CENPP: variants seen among roughly 807,000 people sequenced by gnomAD.
CENPP encodes centromere protein P.
Under a neutral mutation model 35.6 loss-of-function variants are expected in CENPP, and 24 were observed. The ratio of observed to expected loss-of-function variants is 0.67; its 90% CI spans 0.49 to 0.95. The LOEUF is 0.95. Ranked by LOEUF, CENPP falls within the 40% of genes least tolerant of loss-of-function variation. The pLI is 0.00. For synonymous variants in CENPP, 120 were observed against 125.5 expected (o/e 0.96, Z 0.29); for missense variants, 332 against 345.3 (o/e 0.96, Z 0.31).
rs561628337 is a variant in CENPP, at chr9:92,581,303, G to GT, written c.565-30004dup. Among the ~76,000 whole-genome samples the GT allele has an allele frequency of 3.6e-3, 554 of 152,074 alleles. 4 individuals carry two copies. Among genetic ancestry groups the GT allele is most frequent in the African/African-American group, 0.012 (516 of 41,504 alleles). ...TCTGTTAAGCCATATTACATTTTGT[G>GT]TTTTTTTCTGCATTCTATAAGACAT... On this transcript the variant is annotated intron_variant, in intron 5 of 7. Transcript: ENST00000375587.
At position 92,618,143 on chromosome 9, in the gene CENPP, C is replaced by A. The variant is rs1428493905; in HGVS notation, c.*4994C>A. ...GCGCACACCTTCCTGGAAGCAGGCC[C>A]AGCCCCACACGCCATGTTCTCGGAG... On this transcript the variant is annotated 3_prime_UTR_variant, in exon 8 of 8. Coordinates refer to ENST00000375587, the MANE Select transcript of CENPP (RefSeq NM_001012267.3). 1.1e-5 allele frequency: 5 copies of A among 435,060 alleles called. No homozygotes were observed. The highest frequency in any genetic ancestry group is 1.9e-5 in the Non-Finnish European group (4 of 215,562). 26.9% of individuals were successfully genotyped at this position (435,060 alleles called of 1,614,324 possible).
chr9:92,607,205 T>G (rs983783774), intron 5 of CENPP, among the ~76,000 whole-genome samples: 8 of 142,408 alleles, frequency 5.6e-5, no homozygotes, highest in Non-Finnish European at 1.2e-4. Context: ...AAGTTTGTTT[T>G]TTTTATCATG....
chr9:92,539,711 A>T (rs992954199), intron 5 of CENPP, among the ~76,000 whole-genome samples: 2 of 152,134 alleles, frequency 1.3e-5, no homozygotes, highest in Non-Finnish European at 2.9e-5. Flanking sequence ...CTTGGCCCAT[A>T]GTTCAAATGC....
rs117779896 is a variant in CENPP at position 92,591,975 on chromosome 9, G to C, written c.565-19339G>C. 5.2e-4 allele frequency among the ~76,000 whole-genome samples: 79 copies of C among 151,930 alleles called. 2 individuals are homozygous for C. The East Asian group carries it at 0.015, about 29-fold the overall frequency. On this transcript the variant is annotated intron_variant, in intron 5 of 7. Transcript: ENST00000375587. ...TGAAATATAGACATACATGGGTGCAGCACACCAACATGGCACATGTATACA... is the reference window on the plus strand; with the variant it reads ...TGAAATATAGACATACATGGGTGCACCACACCAACATGGCACATGTATACA...
chr9:92,407,205 T>TTTGA (rs960690529), intron 5 of CENPP, among the ~76,000 whole-genome samples: 3 of 152,082 alleles, frequency 2.0e-5, no homozygotes, highest in South Asian at 2.1e-4. Flanking sequence ...TATTAATAGG[T>TTTGA]TTGATTGATT....
intron 5 of CENPP, among the ~76,000 whole-genome samples, chr9:92,382,938 G>T (rs371553516): frequency 8.6e-6 from 1 of 116,056 alleles, no homozygotes; most frequent in African/African-American, 3.3e-5. Context: ...TTGCTCTGTC[G>T]CCTAGGCTAG....
intron 5 of CENPP, among the ~76,000 whole-genome samples, chr9:92,592,350 C>G (rs548017945): frequency 6.6e-6 from 1 of 152,178 alleles, no homozygotes; most frequent in African/African-American, 2.4e-5. Context: ...CAGGGATCCA[C>G]TAGCCTGCTC....
At chr9:92,610,824 C>T (rs1851217561) in intron 5 of CENPP, 3 of 182,306 alleles carry the variant, frequency 1.6e-5, no homozygotes, top group South Asian at 1.1e-4. Flanking sequence ...GACGGACAGG[C>T]GAGGGGCGTC....
intron 5 of CENPP, chr9:92,493,888 A>T (rs1846238836): frequency 2.5e-6 from 1 of 405,646 alleles, no homozygotes; most frequent in Non-Finnish European, 4.4e-6. Flanking sequence ...TTGAGAAGCG[A>T]CATACACAGC....
chr9:92,326,849 CAA>C (rs893385405), intron 1 of CENPP, among the ~76,000 whole-genome samples: 11 of 152,138 alleles, frequency 7.2e-5, no homozygotes, highest in Admixed American at 1.3e-4. Context: ...ATTTTTGAGT[CAA>C]GAGTAATTTG....
intron 5 of CENPP, among the ~76,000 whole-genome samples, chr9:92,544,332 C>T (rs377310676): frequency 7.1e-4 from 108 of 152,166 alleles, no homozygotes; most frequent in African/African-American, 2.4e-3. Context: ...AAAAATTAGC[C>T]GGGTGTGCTG....
intron 4 of CENPP, among the ~76,000 whole-genome samples, chr9:92,361,399 C>A (rs1002929355): frequency 1.3e-5 from 2 of 151,750 alleles, no homozygotes; most frequent in African/African-American, 4.8e-5. Context: ...CCTCAGCCTC[C>A]CAAAGTGTTG....
chr9:92,434,394 A>G (rs973706921), intron 5 of CENPP, among the ~76,000 whole-genome samples: 2 of 151,998 alleles, frequency 1.3e-5, no homozygotes, highest in African/African-American at 4.8e-5. Context: ...GTCTCAAAAA[A>G]AAAAAAAAAA....
At position 92,541,433 on chromosome 9, in the gene CENPP, A is replaced by ACC. The variant is rs1588258090; in HGVS notation, c.565-69877_565-69876dup. On this transcript the variant is annotated intron_variant, in intron 5 of 7. Transcript: ENST00000375587. ...CCTTCCCCCTCCCCACCCCGCCCAC[A>ACC]CCCCCACACCCCCACCCTCCTGGTT... is the stretch of plus-strand genomic sequence containing the variant. Among the ~76,000 whole-genome samples the ACC allele has an allele frequency of 4.4e-4, 6 of 13,752 alleles. No individual in the cohort carries two copies. The East Asian group carries it at 0.026, about 60-fold the overall frequency. The allele number at this position is 13,752 out of a possible 152,430, so 9.0% of individuals were successfully genotyped here. A position where few individuals can be genotyped will look rare whatever the true frequency, so the allele number is the denominator to read the frequency against.
intron 5 of CENPP, among the ~76,000 whole-genome samples, chr9:92,428,563 G>A (rs1844025893): frequency 6.6e-6 from 1 of 152,082 alleles, no homozygotes; most frequent in Admixed American, 6.5e-5. Flanking sequence ...TGGTCTGTCT[G>A]TGTCTCATAC....
At chr9:92,546,213 C>T (rs904860910) in intron 5 of CENPP, among the ~76,000 whole-genome samples, 23 of 152,160 alleles carry the variant, frequency 1.5e-4, no homozygotes, top group African/African-American at 5.6e-4. Context: ...GACCAATCAG[C>T]TCTCTGTAAA....
intron 5 of CENPP, among the ~76,000 whole-genome samples, chr9:92,568,183 T>A (rs553734712): frequency 7.2e-5 from 11 of 152,204 alleles, no homozygotes; most frequent in African/African-American, 2.6e-4. Flanking sequence ...TGTGCTGTAC[T>A]CGTTAACTCA....
chr9:92,403,481 C>T (rs1843203367), intron 5 of CENPP: 6 of 1,507,772 alleles, frequency 4.0e-6, no homozygotes, highest in Non-Finnish European at 5.3e-6. Context: ...CTCTCTTTTT[C>T]CCTGGAAATA....
chr9:92,470,253 TAATC>T lies in CENPP; in HGVS notation c.564+90400_564+90403del, dbSNP rs562677082. ...ATAAATAAGCCATACATGTATATAT[TAATC>T]AATCAGATATATTCTGTGTGCTGCT... is the stretch of plus-strand genomic sequence containing the variant. On this transcript the variant is annotated intron_variant, in intron 5 of 7. Coordinates refer to ENST00000375587, the MANE Select transcript of CENPP (RefSeq NM_001012267.3). Among the ~76,000 whole-genome samples, 1,012 of 152,364 alleles carry T rather than the reference TAATC, an allele frequency of 6.6e-3. 8 individuals are homozygous for T. The highest frequency in any genetic ancestry group is 0.023 in the African/African-American group (950 of 41,592).
Sources: allele counts gnomAD v4.1 joint callset (sites outside exome capture counted in the v4.1 genomes callset), GRCh38; gene constraint gnomAD v4.1.1; transcripts MANE v1.5; gene names NCBI Gene and HGNC (gene_info 2026-07-23, HGNC 2026-07-21).